The following ZNF566 variants were observed in gnomAD, a reference collection of about 807,000 sequenced individuals.
The protein encoded by ZNF566 is zinc finger protein 566.
In ZNF566, 27 loss-of-function variants were observed where a neutral mutation model predicts 32.8. The observed-to-expected ratio is 0.82, with a 90% CI of 0.61 to 1.14. The LOEUF (loss-of-function observed/expected upper bound fraction) is 1.14. Among genes scored for constraint, ZNF566 ranks in the 50% most tolerant of loss-of-function variants. ZNF566 has a pLI of 0.00. For missense variants in ZNF566, 402 were observed against 490.4 expected, an observed-to-expected ratio of 0.82 and a Z score of 1.70; for synonymous variants, 154 against 159.5, an observed-to-expected ratio of 0.97 and a Z score of 0.26.
At chr19:36,480,048 G>C (rs954383375) in intron 1 of ZNF566, among the ~76,000 whole-genome samples, 1 of 151,972 alleles carries the variant, frequency 6.6e-6, no homozygotes, top group African/African-American at 2.4e-5. Flanking sequence ...GCTTTGGGGG[G>C]AATAAGGTAA....
intron 4 of ZNF566, among the ~76,000 whole-genome samples, chr19:36,457,759 A>G (rs1401576838): frequency 5.9e-5 from 9 of 152,208 alleles, no homozygotes; most frequent in Non-Finnish European, 1.3e-4. Context: ...GGCTTAGTGG[A>G]GGGCACTTGT....
chr19:36,468,079 G>A (rs1410483994), intron 4 of ZNF566, among the ~76,000 whole-genome samples: 4 of 150,832 alleles, frequency 2.7e-5, no homozygotes, highest in Non-Finnish European at 4.4e-5. Flanking sequence ...CAGCTACTTC[G>A]GAGGCTGAGG....
Position 36,447,799 on chromosome 19 carries a change from T to G in ZNF566, c.*1178A>C, listed in dbSNP as rs931442005. On this transcript the variant is annotated 3_prime_UTR_variant, in exon 5 of 5. Transcript: ENST00000452939. Reference sequence around the variant, plus strand: ...TATTTCATGTTCAATAGTAAGTACATGATGATGGGAAATTTTCTTAACTTG... The same window carrying G: ...TATTTCATGTTCAATAGTAAGTACAGGATGATGGGAAATTTTCTTAACTTG... 2.0e-5 allele frequency: 3 copies of G among 152,170 alleles called. No individual in the cohort carries two copies. Among genetic ancestry groups the G allele is most frequent in the Admixed American group, 2.0e-4 (3 of 15,278 alleles). The allele number at this position is 152,170 out of a possible 1,614,324, so 9.4% of individuals were successfully genotyped here.
chr19:36,481,763 G>A (rs2034038395), intron 1 of ZNF566, among the ~76,000 whole-genome samples: 1 of 152,092 alleles, frequency 6.6e-6, no homozygotes, highest in Admixed American at 6.6e-5. Context: ...ATATATACAA[G>A]GTTATTGCAG....
Position 36,487,104 on chromosome 19 carries a change from A to C in ZNF566, c.-60+2382T>G, listed in dbSNP as rs537083607. Among the ~76,000 whole-genome samples, 13 of 150,146 alleles carry C rather than the reference A, an allele frequency of 8.7e-5. 1 individual carries two copies. In the East Asian group the frequency reaches 2.3e-3, roughly 27 times the overall value. Reference sequence around the variant, plus strand: ...GACTCCGTCTCAAAAAAAAAAAAAAAAACAAACCAAAACAAGACAAAACAA... The same window carrying C: ...GACTCCGTCTCAAAAAAAAAAAAAACAACAAACCAAAACAAGACAAAACAA... On this transcript the variant is annotated intron_variant, in intron 1 of 4. Transcript: ENST00000452939.
intron 1 of ZNF566, among the ~76,000 whole-genome samples, chr19:36,481,409 T>G (rs1459102536): frequency 1.4e-5 from 2 of 144,018 alleles, no homozygotes; most frequent in Admixed American, 7.5e-5. Flanking sequence ...AGGCGGAGGT[T>G]GCAGTGAGCC....
At chr19:36,480,930 C>A (rs1248274548) in intron 1 of ZNF566, among the ~76,000 whole-genome samples, 1 of 151,918 alleles carries the variant, frequency 6.6e-6, no homozygotes, top group East Asian at 2.0e-4. Flanking sequence ...GTAATCCCAG[C>A]TACTCAGGAG....
At chr19:36,451,938 T>G (rs796436475) in intron 4 of ZNF566, among the ~76,000 whole-genome samples, 1 of 151,348 alleles carries the variant, frequency 6.6e-6, no homozygotes, top group Non-Finnish European at 1.5e-5. Context: ...ACCCAGGAGG[T>G]GGAGATTGCA....
intron 4 of ZNF566, among the ~76,000 whole-genome samples, chr19:36,470,756 A>G (rs1462532322): frequency 6.6e-6 from 1 of 152,096 alleles, no homozygotes; most frequent in African/African-American, 2.4e-5. Flanking sequence ...ACTAAAATAC[A>G]AAAATTAGCT....
rs150700415 is a variant in ZNF566 at position 36,487,356 on chromosome 19, C to G, written c.-60+2130G>C. ...CCTAAGTATTAACCCGGGAGAAAAG[C>G]CTTCATGTGTTCACCAAAAACACAG... is the stretch of plus-strand genomic sequence containing the variant. On this transcript the variant is annotated intron_variant, in intron 1 of 4. Transcript: ENST00000452939. Among the ~76,000 whole-genome samples the G allele has an allele frequency of 2.6e-5, 4 of 152,186 alleles. No homozygotes were observed. The East Asian group carries it at 7.7e-4, about 29-fold the overall frequency.
chr19:36,488,933 C>G (rs2034240005), intron 1 of ZNF566, among the ~76,000 whole-genome samples: 2 of 152,088 alleles, frequency 1.3e-5, no homozygotes, highest in Non-Finnish European at 2.9e-5. Context: ...ACAATCCACG[C>G]CCAAAGCAAC....
intron 1 of ZNF566, among the ~76,000 whole-genome samples, chr19:36,477,828 T>C (rs2033935324): frequency 6.6e-6 from 1 of 152,118 alleles, no homozygotes. Flanking sequence ...GTGTATTCTT[T>C]ATAAACATCT....
At chr19:36,462,995 A>G (rs577114509) in intron 4 of ZNF566, among the ~76,000 whole-genome samples, 4 of 131,900 alleles carry the variant, frequency 3.0e-5, no homozygotes, top group African/African-American at 1.1e-4. Flanking sequence ...AAAAAATCCC[A>G]TTTCCTGTGC....
At position 36,478,793 on chromosome 19, in the gene ZNF566, A is replaced by G. The variant is rs73928555; in HGVS notation, c.-59-2177T>C. ...TTCTAACTACTCATTTCCCAGGGTT[A>G]TTTATGCAGCTGATAACCTTGAGAG... is the stretch of plus-strand genomic sequence containing the variant. On this transcript the variant is annotated intron_variant, in intron 1 of 4. Coordinates refer to ENST00000452939, the MANE Select transcript of ZNF566 (RefSeq NM_001145344.1). Among the ~76,000 whole-genome samples, 1,309 of 152,276 alleles carry G rather than the reference A, an allele frequency of 8.6e-3. 18 individuals are homozygous for G. The highest frequency in any genetic ancestry group is 0.029 in the African/African-American group (1,212 of 41,558).
chr19:36,488,786 T>C (rs992050959), intron 1 of ZNF566, among the ~76,000 whole-genome samples: 2 of 152,150 alleles, frequency 1.3e-5, no homozygotes, highest in Admixed American at 6.6e-5. Context: ...ACAACATTCA[T>C]ATAAAGTTTT....
intron 1 of ZNF566, among the ~76,000 whole-genome samples, chr19:36,486,372 C>A (rs1028147447): frequency 5.3e-5 from 8 of 152,070 alleles, no homozygotes; most frequent in Non-Finnish European, 1.0e-4. Flanking sequence ...ATGTTCACAA[C>A]ATGAAAATAA....
chr19:36,449,123 T>C lies in ZNF566; in HGVS notation c.1111A>G (p.Ile371Val), dbSNP rs2033071742. Residue 371 changes from isoleucine (I) to valine (V), a missense_variant, in exon 5 of 5, where the codon ATA becomes GTA. Ile to Val is a conservative substitution (Grantham distance 29). Around this residue, in one of 3 missense-constraint regions of ZNF566, gnomAD observed 135 missense variants for 210.0 expected, o/e 0.64. Coordinates refer to ENST00000452939, the MANE Select transcript of ZNF566 (RefSeq NM_001145344.1). ...CTCTGAGAATAAGCCTTCCCACATA[T>C]CTTACATTCATAGGGTTTCTCCCCA... ...HTGEKPYECK[I>V]CGKAYSQSSQ... 1 of 1,613,906 alleles carries C rather than the reference T, an allele frequency of 6.2e-7. No homozygotes were observed. The highest frequency in any genetic ancestry group is 1.3e-5 in the African/African-American group (1 of 74,918).
At chr19:36,478,560 T>A (rs1001547172) in intron 1 of ZNF566, among the ~76,000 whole-genome samples, 1 of 151,570 alleles carries the variant, frequency 6.6e-6, no homozygotes, top group Non-Finnish European at 1.5e-5. Context: ...CCTCCCATGC[T>A]GAATTCTTAC....
chr19:36,455,970 C>T (rs1164809349), intron 4 of ZNF566, among the ~76,000 whole-genome samples: 4 of 148,302 alleles, frequency 2.7e-5, no homozygotes, highest in Admixed American at 1.3e-4. Flanking sequence ...ACCCGGGAGG[C>T]CGAGCTTGCA....
Sources: allele counts gnomAD v4.1 joint callset (sites outside exome capture counted in the v4.1 genomes callset), GRCh38; gene constraint gnomAD v4.1.1; regional missense constraint gnomAD v4.1.1; transcripts MANE v1.5; gene names NCBI Gene and HGNC (gene_info 2026-07-23, HGNC 2026-07-21).